The following MALRD1 variants were observed in gnomAD, a reference collection of about 807,000 sequenced individuals.
MALRD1 encodes MAM and LDL-receptor class A domain-containing protein 1.
MALRD1 carries 247 observed loss-of-function variants against 242.1 expected under a neutral mutation model. The ratio of observed to expected loss-of-function variants is 1.02; its 90% CI spans 0.92 to 1.13. The LOEUF is 1.13. Ranked by LOEUF, MALRD1 falls within the 50% of genes most tolerant of loss-of-function variation. The pLI is 0.00. For synonymous variants in MALRD1, 995 were observed against 866.6 expected, an observed-to-expected ratio of 1.15 and a Z score of -2.60; for missense variants, 2,989 against 2,533.1, an observed-to-expected ratio of 1.18 and a Z score of -3.86.
At chr10:19,691,597 A>G (rs766372211) in intron 36 of MALRD1, among the ~76,000 whole-genome samples, 96 of 152,122 alleles carry the variant, frequency 6.3e-4, no homozygotes, top group Admixed American at 3.1e-3. Flanking sequence ...GAAAAATTTC[A>G]ATACATTTAC....
intron 36 of MALRD1, among the ~76,000 whole-genome samples, chr10:19,673,809 T>A (rs1276129042): frequency 6.6e-6 from 1 of 152,042 alleles, no homozygotes; most frequent in Non-Finnish European, 1.5e-5. Context: ...GGTCAGGTTT[T>A]CAGATTTCTA....
intron 31 of MALRD1, among the ~76,000 whole-genome samples, chr10:19,530,098 A>C (rs11816930): frequency 0.096 from 14,588 of 151,388 alleles, 2,130 homozygotes; most frequent in African/African-American, 0.31. Context: ...AACAATATTT[A>C]ATTAATAAGA....
intron 32 of MALRD1, among the ~76,000 whole-genome samples, chr10:19,557,818 A>G (rs1423790405): frequency 6.6e-6 from 1 of 152,084 alleles, no homozygotes; most frequent in African/African-American, 2.4e-5. Flanking sequence ...ATAACTTGCT[A>G]GGACTTTGAC....
At chr10:19,672,428 T>C (rs1402104833) in intron 36 of MALRD1, among the ~76,000 whole-genome samples, 1 of 150,170 alleles carries the variant, frequency 6.7e-6, no homozygotes, top group Non-Finnish European at 1.5e-5. Context: ...TTTTTTTTTT[T>C]TGTATTTTGT....
intron 36 of MALRD1, among the ~76,000 whole-genome samples, chr10:19,625,706 G>C (rs1839622734): frequency 6.6e-6 from 1 of 152,128 alleles, no homozygotes; most frequent in Non-Finnish European, 1.5e-5. Context: ...AGGGGGTACT[G>C]CACTTGCTGA....
intron 1 of MALRD1, among the ~76,000 whole-genome samples, chr10:19,060,619 A>G (rs1302070219): frequency 1.3e-5 from 2 of 152,178 alleles, no homozygotes; most frequent in Admixed American, 6.5e-5. Flanking sequence ...TTATTCAGAC[A>G]TATTAACTAT....
chr10:19,328,619 G>A (rs1306441339), intron 23 of MALRD1, among the ~76,000 whole-genome samples: 1 of 152,080 alleles, frequency 6.6e-6, no homozygotes, highest in Non-Finnish European at 1.5e-5. Context: ...CAACTCCAGT[G>A]GGAGTATACA....
chr10:19,425,469 T>C (rs1436492957), intron 28 of MALRD1, among the ~76,000 whole-genome samples: 1 of 152,116 alleles, frequency 6.6e-6, no homozygotes, highest in Non-Finnish European at 1.5e-5. Context: ...TATACATGGA[T>C]CCATACCCAC....
At chr10:19,547,346 G>A (rs1341252841) in intron 32 of MALRD1, among the ~76,000 whole-genome samples, 2 of 151,922 alleles carry the variant, frequency 1.3e-5, no homozygotes, top group African/African-American at 2.4e-5. Flanking sequence ...GTGGAAGAAC[G>A]ACTGCCCGAC....
chr10:19,657,520 C>T (rs186456357), intron 36 of MALRD1, among the ~76,000 whole-genome samples: 8 of 151,508 alleles, frequency 5.3e-5, no homozygotes, highest in Admixed American at 4.6e-4. Context: ...CAGTAAATTA[C>T]AGAATTGAGA....
chr10:19,358,534 A>C (rs1844747039), intron 26 of MALRD1, among the ~76,000 whole-genome samples: 1 of 152,186 alleles, frequency 6.6e-6, no homozygotes, highest in Admixed American at 6.6e-5. Context: ...TACGTGTTAC[A>C]TGCTGAGATT....
At chr10:19,403,599 GA>G (rs1183094367) in intron 28 of MALRD1, among the ~76,000 whole-genome samples, 1 of 152,090 alleles carries the variant, frequency 6.6e-6, no homozygotes, top group Non-Finnish European at 1.5e-5. Context: ...AGGTTAAAAA[GA>G]AGGGTAAAAT....
intron 36 of MALRD1, among the ~76,000 whole-genome samples, chr10:19,624,878 G>GAAAAAAAAAAAAAAAAAAA (rs145042762): frequency 8.3e-6 from 1 of 119,948 alleles, no homozygotes; most frequent in Non-Finnish European, 1.7e-5. Context: ...CTCAAAAAAG[G>GAAAAAAAAAAAAAAAAAAA]AAAAAAAAAA....
At chr10:19,654,073 A>G (rs1225972053) in intron 36 of MALRD1, among the ~76,000 whole-genome samples, 1 of 152,186 alleles carries the variant, frequency 6.6e-6, no homozygotes, top group East Asian at 1.9e-4. Context: ...AGCCATAGCT[A>G]TTTAAAGCAT....
chr10:19,165,839 A>G, intron 13 of MALRD1, 29 bp downstream of exon 13: 1 of 1,227,146 alleles, frequency 8.1e-7, no homozygotes, highest in Non-Finnish European at 1.0e-6. Flanking sequence ...AATACAACTC[A>G]ACAGAAGACA....
chr10:19,637,815 G>C (rs935513585), intron 36 of MALRD1, among the ~76,000 whole-genome samples: 6 of 151,810 alleles, frequency 4.0e-5, no homozygotes, highest in African/African-American at 1.5e-4. Flanking sequence ...ATAAGAATTC[G>C]GTAAGCCAGA....
rs189420298 is a variant in MALRD1 at position 19,256,459 on chromosome 10, T to C, written c.2992-1225T>C. ...TGCCTATAATGCCTTTCACTCATGA[T>C]GGTGGTGGGAAAAAGGATGCATTTT... On this transcript the variant is annotated intron_variant, in intron 18 of 39. Coordinates refer to ENST00000454679, the MANE Select transcript of MALRD1 (RefSeq NM_001142308.3). Among the ~76,000 whole-genome samples, 114 of 152,184 alleles carry C rather than the reference T, an allele frequency of 7.5e-4. 1 individual carries two copies. In the South Asian group the frequency reaches 0.011, roughly 15 times the overall value.
At chr10:19,543,550 A>C (rs1835078760) in intron 32 of MALRD1, among the ~76,000 whole-genome samples, 2 of 149,284 alleles carry the variant, frequency 1.3e-5, no homozygotes, top group Admixed American at 1.4e-4. Flanking sequence ...CTGAGATTAC[A>C]GGTCTGAGCC....
At chr10:19,386,721 T>TGC (rs1846093288) in intron 26 of MALRD1, among the ~76,000 whole-genome samples, 1 of 148,902 alleles carries the variant, frequency 6.7e-6, no homozygotes, top group African/African-American at 2.5e-5. Flanking sequence ...CATATACATA[T>TGC]ACACACACAC....
Sources: gnomAD v4.1 joint callset for allele counts (sites outside exome capture counted in the v4.1 genomes callset) on GRCh38, gnomAD v4.1.1 for gene constraint, MANE v1.5 for transcripts, NCBI Gene and HGNC (gene_info 2026-07-23, HGNC 2026-07-21) for gene names.